The following YWHAG variants were observed in gnomAD, a reference collection of about 807,000 sequenced individuals.
The protein encoded by YWHAG is tyrosine 3-monooxygenase/tryptophan 5-monooxygenase activation protein gamma.
Under a neutral mutation model 23.3 loss-of-function variants are expected in YWHAG, and 1 was observed. The ratio of observed to expected loss-of-function variants is 0.04; its 90% CI spans 0.02 to 0.20. YWHAG has a LOEUF of 0.20. Ranked by LOEUF, YWHAG falls within the 10% of genes least tolerant of loss-of-function variation. The pLI is 1.00. For missense variants in YWHAG, 151 were observed against 338.6 expected (o/e 0.45, Z 4.35); for synonymous variants, 160 against 144.0 (o/e 1.11, Z -0.80).
rs1316741232 is a variant in YWHAG, at chr7:76,328,094, A to C, written c.*1483T>G. On this transcript the variant is annotated 3_prime_UTR_variant, in exon 2 of 2. Transcript: ENST00000307630. Reference sequence around the variant, plus strand: ...GTTCCTCGTCACTGACTTTATATATATAAAAAAAAGAATGCACATGCGGGC... The same window carrying C: ...GTTCCTCGTCACTGACTTTATATATCTAAAAAAAAGAATGCACATGCGGGC... 2 of 152,128 alleles carry C rather than the reference A, an allele frequency of 1.3e-5. No homozygotes were observed. Among genetic ancestry groups the C allele is most frequent in the African/African-American group, 4.8e-5 (2 of 41,432 alleles). 9.4% of individuals were successfully genotyped at this position (152,128 alleles called of 1,614,324 possible).
intron 1 of YWHAG, among the ~76,000 whole-genome samples, chr7:76,334,825 C>T (rs1336518653): frequency 6.6e-6 from 1 of 152,152 alleles, no homozygotes; most frequent in Non-Finnish European, 1.5e-5. Flanking sequence ...TCACTGCAGC[C>T]TCAACTTCTC....
At position 76,353,501 on chromosome 7, in the gene YWHAG, G is replaced by A. The variant is rs750948458; in HGVS notation, c.87+5221C>T. ...GCTGGGATTACAGGCGTGAGCCACC[G>A]TGCCTGACCCAGGGAATTTTTTAAA... On this transcript the variant is annotated intron_variant, in intron 1 of 1. Transcript: ENST00000307630. Among the ~76,000 whole-genome samples the A allele has an allele frequency of 4.6e-5, 7 of 152,202 alleles. No individual in the cohort carries two copies. The East Asian group carries it at 1.4e-3, about 29-fold the overall frequency.
At position 76,329,519 on chromosome 7, in the gene YWHAG, G is replaced by GA. The variant is rs1260730911; in HGVS notation, c.*57dup. On this transcript the variant is annotated 3_prime_UTR_variant, in exon 2 of 2. Coordinates refer to ENST00000307630, the MANE Select transcript of YWHAG (RefSeq NM_012479.4). This position sits in a 1 kb window ranked among gnomAD's most constrained non-coding sequence, Gnocchi z 6.1. ...CCCCCACCCGACCCCCAACTCATGG[G>GA]AAAAAAATAAAGACTGCAGTAGTAG... 2.5e-5 allele frequency: 37 copies of GA among 1,466,500 alleles called. No individual in the cohort carries two copies. The Admixed American group carries it at 2.8e-4, about 11-fold the overall frequency. 90.8% of individuals were successfully genotyped at this position (1,466,500 alleles called of 1,614,324 possible).
intron 1 of YWHAG, among the ~76,000 whole-genome samples, chr7:76,356,567 G>A (rs1212573207): frequency 6.6e-6 from 1 of 151,990 alleles, no homozygotes; most frequent in Non-Finnish European, 1.5e-5. Context: ...TTAATTATCT[G>A]CAATAAACAC....
chr7:76,345,825 C>G, intron 1 of YWHAG, among the ~76,000 whole-genome samples: 1 of 152,028 alleles, frequency 6.6e-6, no homozygotes, highest in East Asian at 1.9e-4. Flanking sequence ...ATCCCAGCTA[C>G]TAGGTAGGCT....
Position 76,327,020 on chromosome 7 carries a change from T to A in YWHAG, c.*2557A>T, listed in dbSNP as rs925575684. Reference sequence around the variant, plus strand: ...CTCATTCAGAGAACATATTTGTTGTTCTCCAACACTGTAATAGTTATAATT... The same window carrying A: ...CTCATTCAGAGAACATATTTGTTGTACTCCAACACTGTAATAGTTATAATT... On this transcript the variant is annotated 3_prime_UTR_variant, in exon 2 of 2. Transcript: ENST00000307630. The A allele has an allele frequency of 2.6e-5, 4 of 152,610 alleles. No individual in the cohort carries two copies. Among genetic ancestry groups the A allele is most frequent in the African/African-American group, 9.7e-5 (4 of 41,426 alleles). The allele number at this position is 152,610 out of a possible 1,614,324, so 9.5% of individuals were successfully genotyped here.
chr7:76,353,588 A>G (rs1324256008), intron 1 of YWHAG, among the ~76,000 whole-genome samples: 1 of 152,232 alleles, frequency 6.6e-6, no homozygotes. Flanking sequence ...GCAAAATATC[A>G]AAATTTTCAA....
intron 1 of YWHAG, among the ~76,000 whole-genome samples, chr7:76,334,908 C>G (rs1803595505): frequency 6.6e-6 from 1 of 152,088 alleles, no homozygotes; most frequent in African/African-American, 2.4e-5. Flanking sequence ...GAATGCAACA[C>G]TTGTAAACAT....
In YWHAG at chr7:76,327,435, A is replaced by T. The variant is rs1367287654; in HGVS notation, c.*2142T>A. ...AGTGCATTTCTTTAAAAATAAAGAA[A>T]AGAAAAACCATTCAAGCTGCTTAAA... On this transcript the variant is annotated 3_prime_UTR_variant, in exon 2 of 2. Coordinates refer to ENST00000307630, the MANE Select transcript of YWHAG (RefSeq NM_012479.4). 6.6e-6 allele frequency: 1 copy of T among 152,590 alleles called. No homozygotes were observed. The highest frequency in any genetic ancestry group is 2.4e-5 in the African/African-American group (1 of 41,444). The allele number at this position is 152,590 out of a possible 1,614,324, so 9.5% of individuals were successfully genotyped here.
At position 76,358,095 on chromosome 7, in the gene YWHAG, A is replaced by G. The variant is rs113213817; in HGVS notation, c.87+627T>C. Among the ~76,000 whole-genome samples, 1,359 of 152,282 alleles carry G rather than the reference A, an allele frequency of 8.9e-3. 26 individuals are homozygous for G. Among genetic ancestry groups the G allele is most frequent in the African/African-American group, 0.031 (1,277 of 41,534 alleles). On this transcript the variant is annotated intron_variant, in intron 1 of 1. Coordinates refer to ENST00000307630, the MANE Select transcript of YWHAG (RefSeq NM_012479.4). ...GAGGACTTGCTTTGGGCGAATGGAG[A>G]AAGAAGAGCCTTTTGTTAAGAAAAA...
chr7:76,353,212 A>C (rs372263367), intron 1 of YWHAG, among the ~76,000 whole-genome samples: 3 of 151,878 alleles, frequency 2.0e-5, no homozygotes, highest in East Asian at 3.9e-4. Flanking sequence ...TTCTTTTGGG[A>C]ATTTTTTTTC....
At position 76,345,623 on chromosome 7, in the gene YWHAG, C is replaced by A. The variant is rs1803767209; in HGVS notation, c.87+13099G>T. On this transcript the variant is annotated intron_variant, in intron 1 of 1. Transcript: ENST00000307630. ...CTATTGTCCCTCTCCTACTCTTCCC[C>A]ATTAACATACAGTGAAAGTTAAGAT... Among the ~76,000 whole-genome samples the A allele has an allele frequency of 1.3e-5, 2 of 151,984 alleles. 1 individual carries two copies. The highest frequency in any genetic ancestry group is 4.2e-4 in the South Asian group (2 of 4,802).
chr7:76,354,706 C>T (rs1398186345), intron 1 of YWHAG, among the ~76,000 whole-genome samples: 1 of 152,094 alleles, frequency 6.6e-6, no homozygotes. Context: ...CAGTCTCAAC[C>T]CTGCATCCTA....
At position 76,329,973 on chromosome 7, in the gene YWHAG, C is replaced by G; in HGVS notation, c.348G>C (p.Gln116His). 6.2e-7 allele frequency: 1 copy of G among 1,614,190 alleles called. No homozygotes were observed. Among genetic ancestry groups the G allele is most frequent in the Non-Finnish European group, 8.5e-7 (1 of 1,180,038 alleles). The change falls in exon 2 of 2, where the codon CAG (glutamine) becomes CAC (histidine). Residue 116 changes from glutamine (Q) to histidine (H), a missense_variant. Gln to His is a conservative substitution (Grantham distance 24). Coordinates refer to ENST00000307630, the MANE Select transcript of YWHAG (RefSeq NM_012479.4). This position sits in a 1 kb window ranked among gnomAD's most constrained non-coding sequence, Gnocchi z 6.1. ...NYLIKNCSET[Q>H]YESKVFYLKM... ...TCAGGTAGAACACTTTGCTCTCGTA[C>G]TGGGTCTCGCTGCAATTCTTGATCA... is the stretch of plus-strand genomic sequence containing the variant.
chr7:76,341,749 T>C (rs1157530906), intron 1 of YWHAG, among the ~76,000 whole-genome samples: 1 of 152,068 alleles, frequency 6.6e-6, no homozygotes, highest in Non-Finnish European at 1.5e-5. Context: ...GGGGAGGTGA[T>C]GGGGAATGAC....
chr7:76,347,694 A>C (rs998210704), intron 1 of YWHAG, among the ~76,000 whole-genome samples: 1 of 152,356 alleles, frequency 6.6e-6, no homozygotes, highest in South Asian at 2.1e-4. Flanking sequence ...CCAAATCCTC[A>C]AAACATGCTC....
chr7:76,351,780 C>T (rs531067349), intron 1 of YWHAG, among the ~76,000 whole-genome samples: 1 of 152,340 alleles, frequency 6.6e-6, no homozygotes, highest in East Asian at 1.9e-4. Flanking sequence ...ACTGATCCTA[C>T]ATTACGGTGA....
intron 1 of YWHAG, among the ~76,000 whole-genome samples, chr7:76,337,181 C>G (rs191753962): frequency 5.1e-4 from 78 of 152,298 alleles, no homozygotes; most frequent in Admixed American, 8.5e-4. Context: ...GGCCTGCTTA[C>G]AAGGCTGGTC....
intron 1 of YWHAG, among the ~76,000 whole-genome samples, chr7:76,343,664 ATCTC>A (rs1554617714): frequency 6.6e-6 from 1 of 152,208 alleles, no homozygotes. Context: ...GAGATGGGTT[ATCTC>A]TCTACCTCCA....
Sources: gnomAD v4.1 joint callset for allele counts (sites outside exome capture counted in the v4.1 genomes callset) on GRCh38, gnomAD v4.1.1 for gene constraint, Gnocchi (gnomAD v3.1) non-coding constraint, MANE v1.5 for transcripts, NCBI Gene and HGNC (gene_info 2026-07-23, HGNC 2026-07-21) for gene names.